The following HTR1F variants were observed in gnomAD, a reference collection of about 807,000 sequenced individuals.
HTR1F encodes 5-hydroxytryptamine (serotonin) receptor 1F, G protein-coupled.
In HTR1F, 17 loss-of-function variants were observed where a neutral mutation model predicts 24.0. The ratio of observed to expected loss-of-function variants is 0.71; its 90% confidence interval spans 0.48 to 1.06. The LOEUF (loss-of-function observed/expected upper bound fraction) is 1.06. Ranked by LOEUF, HTR1F falls within the 50% of genes least tolerant of loss-of-function variation. HTR1F has a pLI of 0.00. For missense variants in HTR1F, 391 were observed against 427.8 expected (o/e 0.91, Z 0.76); for synonymous variants, 186 against 156.8 (o/e 1.19, Z -1.39).
At chr3:87,935,891 C>A (rs1365669063) in intron 2 of HTR1F, among the ~76,000 whole-genome samples, 3 of 152,006 alleles carry the variant, frequency 2.0e-5, no homozygotes, top group African/African-American at 7.3e-5. Flanking sequence ...CGCTCTGTCA[C>A]CCAGGCTGGA....
intron 2 of HTR1F, among the ~76,000 whole-genome samples, chr3:87,891,826 A>G (rs1192045502): frequency 6.6e-6 from 1 of 152,212 alleles, no homozygotes; most frequent in Non-Finnish European, 1.5e-5. Flanking sequence ...ATTCATTCAG[A>G]CATAATTATT....
At chr3:87,876,208 A>G (rs568484589) in intron 2 of HTR1F, among the ~76,000 whole-genome samples, 41 of 152,344 alleles carry the variant, frequency 2.7e-4, no homozygotes, top group Non-Finnish European at 4.9e-4. Flanking sequence ...TCCTCAAAAA[A>G]TTAAAAATAG....
chr3:87,879,999 T>C (rs1559616493), intron 2 of HTR1F, among the ~76,000 whole-genome samples: 2 of 152,154 alleles, frequency 1.3e-5, no homozygotes, highest in East Asian at 1.9e-4. Context: ...GTATTTTTCA[T>C]ATAAAATGAA....
intron 2 of HTR1F, among the ~76,000 whole-genome samples, chr3:87,872,074 A>C (rs1440514973): frequency 1.3e-5 from 2 of 152,154 alleles, no homozygotes; most frequent in African/African-American, 2.4e-5. Flanking sequence ...GACTACAATT[A>C]AATGGACATA....
At chr3:87,974,401 A>G (rs1296565521) in intron 2 of HTR1F, among the ~76,000 whole-genome samples, 2 of 152,276 alleles carry the variant, frequency 1.3e-5, no homozygotes, top group East Asian at 3.9e-4. Context: ...CGTACTAATG[A>G]GTCTATTTCC....
At position 87,903,032 on chromosome 3, in the gene HTR1F, C is replaced by A. The variant is rs896397688; in HGVS notation, c.-43+80908C>A. Among the ~76,000 whole-genome samples the A allele has an allele frequency of 1.2e-4, 18 of 151,446 alleles. No individual in the cohort carries two copies. The East Asian group carries it at 3.5e-3, about 29-fold the overall frequency. ...AAAAACAAGGAATGGGGAAAGGATT[C>A]CCTATTTAATAAATGGTGCTGGGAA... On this transcript the variant is annotated intron_variant, in intron 2 of 2. Coordinates refer to ENST00000319595, the MANE Select transcript of HTR1F (RefSeq NM_001322209.2).
intron 2 of HTR1F, among the ~76,000 whole-genome samples, chr3:87,843,456 C>A (rs1209372645): frequency 6.0e-5 from 9 of 150,942 alleles, no homozygotes; most frequent in Non-Finnish European, 1.3e-4. Context: ...AAATTTCTTG[C>A]CATAGATACC....
chr3:87,907,357 C>G (rs1703690243), intron 2 of HTR1F, among the ~76,000 whole-genome samples: 1 of 139,826 alleles, frequency 7.2e-6, no homozygotes, highest in Admixed American at 7.0e-5. Flanking sequence ...ATGTTCTTAG[C>G]CCACTTTTTG....
At chr3:87,880,223 A>T (rs1279917653) in intron 2 of HTR1F, among the ~76,000 whole-genome samples, 1 of 152,194 alleles carries the variant, frequency 6.6e-6, no homozygotes, top group Non-Finnish European at 1.5e-5. Flanking sequence ...GGGGAGTAAT[A>T]GGAAAGTCTC....
At chr3:87,882,710 T>C (rs1312740453) in intron 2 of HTR1F, among the ~76,000 whole-genome samples, 1 of 87,140 alleles carries the variant, frequency 1.1e-5, no homozygotes, top group Non-Finnish European at 2.1e-5. Flanking sequence ...TGTTGTGGGG[T>C]CGGGGGAGGG....
intron 2 of HTR1F, among the ~76,000 whole-genome samples, chr3:87,900,745 G>A (rs530303190): frequency 6.6e-6 from 1 of 152,270 alleles, no homozygotes; most frequent in Non-Finnish European, 1.5e-5. Context: ...GAGTTAAGGA[G>A]AGTCCCCAAG....
chr3:87,944,672 GAGTT>G (rs1704652081), intron 2 of HTR1F, among the ~76,000 whole-genome samples: 1 of 152,180 alleles, frequency 6.6e-6, no homozygotes, highest in Non-Finnish European at 1.5e-5. Context: ...TAAGATTTTT[GAGTT>G]AGTAAGCTAT....
intron 2 of HTR1F, among the ~76,000 whole-genome samples, chr3:87,886,469 T>C (rs1292991337): frequency 2.6e-5 from 4 of 152,204 alleles, no homozygotes; most frequent in African/African-American, 9.6e-5. Flanking sequence ...CTATGCAACA[T>C]AGTGTTGGAA....
chr3:87,897,774 G>A (rs879514757), intron 2 of HTR1F, among the ~76,000 whole-genome samples: 1 of 151,816 alleles, frequency 6.6e-6, no homozygotes, highest in Non-Finnish European at 1.5e-5. Context: ...TCCTGCATAC[G>A]TCATTTGTTC....
At position 87,850,985 on chromosome 3, in the gene HTR1F, A is replaced by G. The variant is rs183961867; in HGVS notation, c.-43+28861A>G. Among the ~76,000 whole-genome samples, 18 of 151,716 alleles carry G rather than the reference A, an allele frequency of 1.2e-4. No individual in the cohort carries two copies. The East Asian group carries it at 3.5e-3, about 29-fold the overall frequency. ...AAGTACTGTCTTTCTAAAAATTGTT[A>G]TTATTTGGTTGTTTTATAATAAGAG... On this transcript the variant is annotated intron_variant, in intron 2 of 2. Transcript: ENST00000319595.
At chr3:87,978,949 G>A (rs1240649077) in intron 2 of HTR1F, among the ~76,000 whole-genome samples, 1 of 100,766 alleles carries the variant, frequency 9.9e-6, no homozygotes, top group East Asian at 3.4e-4. Context: ...AGAGAGATGG[G>A]AAAGACTGAG....
intron 2 of HTR1F, among the ~76,000 whole-genome samples, chr3:87,972,711 A>G (rs1266624449): frequency 2.0e-5 from 3 of 152,174 alleles, no homozygotes; most frequent in Non-Finnish European, 4.4e-5. Flanking sequence ...ATCGAGTAAC[A>G]GAGGAATCAA....
chr3:87,795,263 C>T (rs1342220852), intron 1 of HTR1F, among the ~76,000 whole-genome samples: 3 of 152,116 alleles, frequency 2.0e-5, no homozygotes, highest in Admixed American at 1.3e-4. Context: ...GGATTACAGG[C>T]GTGAGCCACA....
At chr3:87,955,762 T>C (rs1412386920) in intron 2 of HTR1F, among the ~76,000 whole-genome samples, 1 of 151,502 alleles carries the variant, frequency 6.6e-6, no homozygotes, top group Non-Finnish European at 1.5e-5. Flanking sequence ...GGAATTTCAT[T>C]ATCATTTAAA....
Sources: gnomAD v4.1 joint callset for allele counts (sites outside exome capture counted in the v4.1 genomes callset) on GRCh38, gnomAD v4.1.1 for gene constraint, MANE v1.5 for transcripts, NCBI Gene and HGNC (gene_info 2026-07-23, HGNC 2026-07-21) for gene names.